The following DLGAP1 variants were observed in gnomAD, a reference collection of about 807,000 sequenced individuals.
DLGAP1 encodes the protein DLG associated protein 1, also known as disks large-associated protein 1.
In DLGAP1, 11 loss-of-function variants were observed where a neutral mutation model predicts 90.8. That is an observed-to-expected ratio of 0.12 (90% CI 0.08 to 0.20). The LOEUF is 0.20. Ranked by LOEUF, DLGAP1 falls within the 10% of genes least tolerant of loss-of-function variation. DLGAP1 has a pLI of 1.00. For missense variants in DLGAP1, 1,050 were observed against 1,333.8 expected, an observed-to-expected ratio of 0.79 and a Z score of 3.31; for synonymous variants, 558 against 540.7, an observed-to-expected ratio of 1.03 and a Z score of -0.44.
rs1555718019 is a variant in DLGAP1 at position 3,977,434 on chromosome 18, G to GTGTTTTTTTTTTTTTTTTTTT, written c.-73+27681_-73+27682insAAAAAAAAAAAAAAAAAAACA. 5.0e-4 allele frequency among the ~76,000 whole-genome samples: 48 copies of GTGTTTTTTTTTTTTTTTTTTT among 95,342 alleles called. 2 individuals are homozygous for GTGTTTTTTTTTTTTTTTTTTT. The highest frequency in any genetic ancestry group is 2.0e-3 in the African/African-American group (47 of 23,976). The allele number at this position is 95,342 out of a possible 152,430, so 62.5% of individuals were successfully genotyped here. A position where few individuals can be genotyped will look rare whatever the true frequency, so the allele number is the denominator to read the frequency against. ...AGTTAATGAATTATGTTTATTCTGT[G>GTGTTTTTTTTTTTTTTTTTTT]TTTTTTTTTTTTTTTTTTTTGCTGA... On this transcript the variant is annotated intron_variant, in intron 3 of 12. Transcript: ENST00000315677.
chr18:3,879,040 G>A lies in DLGAP1; in HGVS notation c.957+72C>T. On this transcript the variant is annotated intron_variant, in intron 4 of 12. Transcript: ENST00000315677. The surrounding 1 kb of genome is among the most constrained non-coding windows in gnomAD (Gnocchi z 6.6). ...ACAATTCAGAGTAGTGCCAAGACTA[G>A]AACCAGGAGAAATGCCCACACAAGC... The A allele has an allele frequency of 7.7e-7, 1 of 1,292,746 alleles. No individual in the cohort carries two copies. The highest frequency in any genetic ancestry group is 1.0e-6 in the Non-Finnish European group (1 of 966,258). 80.1% of individuals were successfully genotyped at this position (1,292,746 alleles called of 1,614,324 possible).
chr18:3,539,978 C>T (rs1160178411), intron 9 of DLGAP1, among the ~76,000 whole-genome samples: 1 of 152,264 alleles, frequency 6.6e-6, no homozygotes, highest in African/African-American at 2.4e-5. Flanking sequence ...TTGTACATGC[C>T]TTTAGACATT....
chr18:4,281,293 G>A (rs2079544358), intron 1 of DLGAP1, among the ~76,000 whole-genome samples: 1 of 152,270 alleles, frequency 6.6e-6, no homozygotes, highest in African/African-American at 2.4e-5. Flanking sequence ...GCTCATGCCT[G>A]TAATCCTAAC....
intron 4 of DLGAP1, among the ~76,000 whole-genome samples, chr18:3,861,442 T>C (rs983573126): frequency 6.6e-6 from 1 of 152,210 alleles, no homozygotes; most frequent in Non-Finnish European, 1.5e-5. Context: ...TCTGGGCACA[T>C]GATAAAGGCT....
intron 3 of DLGAP1, among the ~76,000 whole-genome samples, chr18:3,999,726 A>AG (rs398100683): frequency 6.6e-6 from 1 of 150,710 alleles, no homozygotes; most frequent in African/African-American, 2.4e-5. Flanking sequence ...TGGGGGGAAA[A>AG]GTGGCCCTTC....
chr18:3,822,411 G>T (rs1383960709), intron 4 of DLGAP1, among the ~76,000 whole-genome samples: 1 of 152,162 alleles, frequency 6.6e-6, no homozygotes, highest in Non-Finnish European at 1.5e-5. Context: ...ACCATAGCAG[G>T]GGCTGGGTAA....
intron 8 of DLGAP1, among the ~76,000 whole-genome samples, chr18:3,578,798 G>A (rs1024324775): frequency 1.3e-5 from 2 of 152,070 alleles, no homozygotes; most frequent in Admixed American, 1.3e-4. Context: ...CATCTGTAGG[G>A]CAGAGATGAT....
At chr18:3,613,828 T>C (rs1791375) in intron 7 of DLGAP1, among the ~76,000 whole-genome samples, 100,641 of 152,134 alleles carry the variant, frequency 0.66, 34,274 homozygotes, top group African/African-American at 0.82. Context: ...TTACAGTGAA[T>C]ATTAAAGACT....
intron 2 of DLGAP1, among the ~76,000 whole-genome samples, chr18:4,065,872 C>A (rs1446109704): frequency 2.6e-5 from 4 of 151,996 alleles, no homozygotes; most frequent in African/African-American, 7.2e-5. Context: ...CAATCCTAAG[C>A]AAAAAGAACA....
rs1246170304 is a variant in DLGAP1 at position 3,499,030 on chromosome 18, G to A, written c.*155C>T. On this transcript the variant is annotated 3_prime_UTR_variant, in exon 13 of 13. Transcript: ENST00000315677. The surrounding 1 kb of genome is among the most constrained non-coding windows in gnomAD (Gnocchi z 6.4). ...AAGTGGGGGGCTGAGGGGGGCCCGG[G>A]GGGCGGCTCCTGCGAGGTGGACAAC... The A allele has an allele frequency of 3.1e-6, 2 of 646,164 alleles. No individual in the cohort carries two copies. The highest frequency in any genetic ancestry group is 3.3e-5 in the Admixed American group (1 of 30,594). The allele number at this position is 646,164 out of a possible 1,614,324, so 40.0% of individuals were successfully genotyped here.
intron 1 of DLGAP1, among the ~76,000 whole-genome samples, chr18:4,296,174 G>T (rs1403455824): frequency 2.0e-5 from 3 of 152,130 alleles, no homozygotes; most frequent in Non-Finnish European, 2.9e-5. Flanking sequence ...TCTTAATTTT[G>T]TTAGAACTTG....
chr18:4,394,495 T>G (rs527290325), intron 1 of DLGAP1, among the ~76,000 whole-genome samples: 1 of 152,110 alleles, frequency 6.6e-6, no homozygotes, highest in Admixed American at 6.5e-5. Flanking sequence ...AAAATGCACA[T>G]CTACTTGGAA....
chr18:3,562,399 G>T (rs117086325), intron 9 of DLGAP1, among the ~76,000 whole-genome samples: 1 of 152,042 alleles, frequency 6.6e-6, no homozygotes, highest in Non-Finnish European at 1.5e-5. Context: ...ATTCCCACCC[G>T]TTGTGGGAGG....
intron 3 of DLGAP1, among the ~76,000 whole-genome samples, chr18:3,917,712 A>G (rs1346889665): frequency 6.6e-6 from 1 of 152,166 alleles, no homozygotes; most frequent in Admixed American, 6.6e-5. Context: ...ACGTTGGATG[A>G]TTTTTTAATG....
At chr18:3,910,873 G>A (rs1041486126) in intron 3 of DLGAP1, among the ~76,000 whole-genome samples, 1 of 152,106 alleles carries the variant, frequency 6.6e-6, no homozygotes, top group African/African-American at 2.4e-5. Flanking sequence ...AAAAAAATGA[G>A]CCACCAACAG....
chr18:3,795,521 G>A (rs1029553593), intron 5 of DLGAP1, among the ~76,000 whole-genome samples: 11 of 152,110 alleles, frequency 7.2e-5, no homozygotes, highest in Admixed American at 1.3e-4. Context: ...TCACCATGTT[G>A]GCCAGGATGG....
At chr18:3,935,606 T>C (rs539095772) in intron 3 of DLGAP1, among the ~76,000 whole-genome samples, 87 of 152,332 alleles carry the variant, frequency 5.7e-4, no homozygotes, top group Non-Finnish European at 9.8e-4. Context: ...CCATCTGCTA[T>C]TCTTGTTTGC....
intron 3 of DLGAP1, among the ~76,000 whole-genome samples, chr18:3,893,603 A>AATG (rs1362728530): frequency 1.7e-4 from 25 of 148,800 alleles, no homozygotes; most frequent in South Asian, 1.5e-3. Flanking sequence ...TAATAATAAT[A>AATG]ATAATAATAA....
At position 3,997,109 on chromosome 18, in the gene DLGAP1, G is replaced by A. The variant is rs796844149; in HGVS notation, c.-73+8007C>T. Among the ~76,000 whole-genome samples the A allele has an allele frequency of 1.5e-4, 16 of 104,702 alleles. 2 individuals are homozygous for A. Among genetic ancestry groups the A allele is most frequent in the African/African-American group, 5.7e-4 (15 of 26,252 alleles). 68.7% of individuals were successfully genotyped at this position (104,702 alleles called of 152,430 possible). On this transcript the variant is annotated intron_variant, in intron 3 of 12. Coordinates refer to ENST00000315677, the MANE Select transcript of DLGAP1 (RefSeq NM_004746.4). ...ATTTTATATTTGCATCCATGCCTTCGAGAAACCTTTCCCACGGGAAAGGTT... is the reference window on the plus strand; with the variant it reads ...ATTTTATATTTGCATCCATGCCTTCAAGAAACCTTTCCCACGGGAAAGGTT...
Sources: gnomAD v4.1 joint callset for allele counts (sites outside exome capture counted in the v4.1 genomes callset) on GRCh38, gnomAD v4.1.1 for gene constraint, Gnocchi (gnomAD v3.1) non-coding constraint, MANE v1.5 for transcripts, NCBI Gene and HGNC (gene_info 2026-07-23, HGNC 2026-07-21) for gene names.